The following RIMS2 variants were observed in gnomAD, a reference collection of about 807,000 sequenced individuals.
RIMS2 encodes the protein regulating synaptic membrane exocytosis 2, also known as regulating synaptic membrane exocytosis protein 2.
A neutral mutation model predicts 174.4 loss-of-function variants in RIMS2; 59 were observed. That is an observed-to-expected ratio of 0.34 (90% CI 0.27 to 0.42). The LOEUF (loss-of-function observed/expected upper bound fraction) is 0.42, where lower values mean the gene tolerates loss of function less well. RIMS2 is among the 10% of genes least tolerant of loss of function. RIMS2 has a pLI of 1.00. For missense variants in RIMS2, 1,620 were observed against 1,666.3 expected, an observed-to-expected ratio of 0.97 and a Z score of 0.48; for synonymous variants, 606 against 572.5, an observed-to-expected ratio of 1.06 and a Z score of -0.84.
At chr8:103,752,798 T>C (rs2097911646) in intron 2 of RIMS2, among the ~76,000 whole-genome samples, 1 of 152,222 alleles carries the variant, frequency 6.6e-6, no homozygotes, top group Non-Finnish European at 1.5e-5. Flanking sequence ...CCTGAGACTT[T>C]GCTGAAGTTA....
At chr8:103,723,917 G>A (rs985080687) in intron 2 of RIMS2, among the ~76,000 whole-genome samples, 3 of 152,166 alleles carry the variant, frequency 2.0e-5, no homozygotes, top group African/African-American at 7.2e-5. Context: ...GGAGCCTGGG[G>A]CCAGGAGGGA....
exon 10 of RIMS2, chr8:103,921,688 A>G: frequency 6.8e-7 from 1 of 1,471,906 alleles, no homozygotes; most frequent in Non-Finnish European, 9.5e-7. Flanking sequence ...GCTCCTTTGA[A>G]TCTCAAAAAA....
intron 4 of RIMS2, among the ~76,000 whole-genome samples, chr8:103,898,581 C>T (rs745653510): frequency 6.6e-6 from 1 of 151,320 alleles, no homozygotes; most frequent in African/African-American, 2.4e-5. Flanking sequence ...AGAGGGCAGA[C>T]TGTTGAATTA....
chr8:103,592,985 C>T (rs2094330401), intron 1 of RIMS2, among the ~76,000 whole-genome samples: 2 of 151,196 alleles, frequency 1.3e-5, no homozygotes, highest in Admixed American at 6.6e-5. Flanking sequence ...AAAGTAGTTG[C>T]TTTTTTTCAT....
intron 1 of RIMS2, among the ~76,000 whole-genome samples, chr8:103,639,409 T>C (rs1466612820): frequency 6.6e-6 from 1 of 151,888 alleles, no homozygotes; most frequent in Non-Finnish European, 1.5e-5. Context: ...ATAGAATAGT[T>C]TCAACACTCT....
chr8:103,681,049 T>G (rs1223075330), intron 1 of RIMS2, among the ~76,000 whole-genome samples: 1 of 151,926 alleles, frequency 6.6e-6, no homozygotes, highest in Admixed American at 6.6e-5. Flanking sequence ...AGAGCCAACT[T>G]AAAGAAATGG....
chr8:103,946,849 T>C (rs1282116231), intron 14 of RIMS2, among the ~76,000 whole-genome samples: 6 of 152,328 alleles, frequency 3.9e-5, no homozygotes, highest in African/African-American at 7.2e-5. Context: ...TCCATACTTA[T>C]TGTACAGCTA....
intron 1 of RIMS2, among the ~76,000 whole-genome samples, chr8:103,555,910 T>A (rs1316567824): frequency 6.6e-6 from 1 of 152,024 alleles, no homozygotes; most frequent in Non-Finnish European, 1.5e-5. Context: ...TCTCAGAGGA[T>A]ATTATGTTAA....
At chr8:103,940,060 T>C (rs2082175692) in intron 13 of RIMS2, among the ~76,000 whole-genome samples, 1 of 152,244 alleles carries the variant, frequency 6.6e-6, no homozygotes, top group African/African-American at 2.4e-5. Flanking sequence ...CCCTGCCCAT[T>C]ACCCAGTTCC....
At chr8:103,751,967 T>A (rs1347828963) in intron 2 of RIMS2, among the ~76,000 whole-genome samples, 1 of 152,228 alleles carries the variant, frequency 6.6e-6, no homozygotes, top group African/African-American at 2.4e-5. Flanking sequence ...AGATCCCATT[T>A]GTCAATTTTG....
intron 3 of RIMS2, among the ~76,000 whole-genome samples, chr8:103,801,116 C>T (rs1592721934): frequency 1.3e-5 from 2 of 152,290 alleles, no homozygotes; most frequent in Admixed American, 1.3e-4. Context: ...TCCCAAGTAG[C>T]TGGGACTACA....
chr8:104,049,753 C>T (rs1029979247), intron 19 of RIMS2, among the ~76,000 whole-genome samples: 3 of 151,966 alleles, frequency 2.0e-5, no homozygotes, highest in Non-Finnish European at 2.9e-5. Context: ...AAATAAATTT[C>T]AAAAAAGGAA....
chr8:103,641,681 G>C (rs1388129063), intron 1 of RIMS2, among the ~76,000 whole-genome samples: 2 of 151,992 alleles, frequency 1.3e-5, no homozygotes, highest in African/African-American at 4.8e-5. Context: ...GCCATTCTTG[G>C]GGGTGGAGGG....
rs185532976 is a variant in RIMS2 at position 103,610,496 on chromosome 8, G to A, written c.177-86590G>A. On this transcript the variant is annotated intron_variant, in intron 1 of 23. Transcript: ENST00000504942. ...CATAGATGGTTCTTATTATTTTGAC[G>A]TATGTTCCTTCAGTGCCTACTTTAT... is the stretch of plus-strand genomic sequence containing the variant. 2.7e-3 allele frequency among the ~76,000 whole-genome samples: 413 copies of A among 152,216 alleles called. 3 individuals carry two copies. The highest frequency in any genetic ancestry group is 4.5e-3 in the Non-Finnish European group (309 of 67,994).
intron 12 of RIMS2, among the ~76,000 whole-genome samples, chr8:103,934,642 A>G (rs2080803261): frequency 6.6e-6 from 1 of 151,636 alleles, no homozygotes; most frequent in South Asian, 2.1e-4. Context: ...TTCTGTCCTT[A>G]CGAGGAAGTT....
intron 3 of RIMS2, among the ~76,000 whole-genome samples, chr8:103,853,855 T>C (rs891695849): frequency 1.1e-4 from 16 of 152,166 alleles, no homozygotes; most frequent in African/African-American, 3.9e-4. Flanking sequence ...AGGATGGCTT[T>C]GGCTATTCAG....
At chr8:103,504,699 G>A (rs1462399355) in intron 1 of RIMS2, among the ~76,000 whole-genome samples, 1 of 151,748 alleles carries the variant, frequency 6.6e-6, no homozygotes, top group Non-Finnish European at 1.5e-5. Context: ...TGATAGGTTA[G>A]GATAACAATT....
chr8:104,115,173 A>G (rs57309489), intron 19 of RIMS2, among the ~76,000 whole-genome samples: 35,710 of 152,050 alleles, frequency 0.23, 4,495 homozygotes, highest in African/African-American at 0.33. Context: ...AATAAATTGC[A>G]TAGGAATAAC....
At chr8:103,857,710 T>C (rs985199193) in intron 3 of RIMS2, among the ~76,000 whole-genome samples, 5 of 152,186 alleles carry the variant, frequency 3.3e-5, no homozygotes, top group African/African-American at 1.2e-4. Flanking sequence ...CACCACTTAA[T>C]TGGAAAATCA....
Sources: allele counts gnomAD v4.1 joint callset (sites outside exome capture counted in the v4.1 genomes callset), GRCh38; gene constraint gnomAD v4.1.1; transcripts MANE v1.5; gene names NCBI Gene and HGNC (gene_info 2026-07-23, HGNC 2026-07-21).